Variants in LZTS1 observed in about 807,000 individuals in gnomAD.
LZTS1 encodes the protein leucine zipper tumor suppressor 1.
Under a neutral mutation model 45.8 loss-of-function variants are expected in LZTS1, and 31 were observed. The ratio of observed to expected loss-of-function variants is 0.68; its 90% CI spans 0.51 to 0.91. The LOEUF is 0.91. Among genes scored for constraint, LZTS1 ranks in the 40% least tolerant of loss-of-function variants. LZTS1 has a pLI of 0.00. For missense variants in LZTS1, 821 were observed against 788.9 expected (o/e 1.04, Z -0.49); for synonymous variants, 359 against 357.3 (o/e 1.00, Z -0.05).
At position 20,246,561 on chromosome 8, in the gene LZTS1, C is replaced by G. The variant is rs1003791886; in HGVS notation, c.*3161G>C. On this transcript the variant is annotated 3_prime_UTR_variant, in exon 4 of 4. Coordinates refer to ENST00000381569, the MANE Select transcript of LZTS1 (RefSeq NM_021020.5). ...GGCTTAGTTTCGGGCAACTGTCTCA[C>G]CTAAGAGATGGCCCAGGCTGGGGCC... is the stretch of plus-strand genomic sequence containing the variant. 1 of 152,512 alleles carries G rather than the reference C, an allele frequency of 6.6e-6. No individual in the cohort carries two copies. The highest frequency in any genetic ancestry group is 2.4e-5 in the African/African-American group (1 of 41,476). 9.4% of individuals were successfully genotyped at this position (152,512 alleles called of 1,614,324 possible). A position where few individuals can be genotyped will look rare whatever the true frequency, so the allele number is the denominator to read the frequency against.
chr8:20,259,782 G>T (rs943880978), intron 1 of LZTS1, among the ~76,000 whole-genome samples: 4 of 151,616 alleles, frequency 2.6e-5, no homozygotes, highest in Admixed American at 6.6e-5. Flanking sequence ...TGTCTGCAAG[G>T]TGGCTTTCTC....
chr8:20,273,292 T>A (rs1311538100), intron 1 of LZTS1, among the ~76,000 whole-genome samples: 1 of 152,184 alleles, frequency 6.6e-6, no homozygotes, highest in Non-Finnish European at 1.5e-5. Context: ...TAAATGTGGA[T>A]GCTTTTCAGG....
chr8:20,255,345 G>T (rs773358191), intron 1 of LZTS1, 30 bp from the exon 2 acceptor site: 2 of 1,402,210 alleles, frequency 1.4e-6, no homozygotes, highest in South Asian at 3.0e-5. Context: ...AGAAGTCAGC[G>T]TGGGTGGGAG....
At chr8:20,294,428 C>A (rs1355478911) in intron 1 of LZTS1, among the ~76,000 whole-genome samples, 1 of 152,206 alleles carries the variant, frequency 6.6e-6, no homozygotes, top group Non-Finnish European at 1.5e-5. Context: ...GGGGAGGAGC[C>A]GAAGGCAGCT....
intron 1 of LZTS1, among the ~76,000 whole-genome samples, chr8:20,293,856 G>A (rs116167598): frequency 0.028 from 4,251 of 152,216 alleles, 105 homozygotes; most frequent in South Asian, 0.086. Flanking sequence ...CCAGGAGTTC[G>A]AGGCTGCAGT....
chr8:20,253,097 C>T lies in LZTS1; in HGVS notation c.834G>A (p.Gln278=), dbSNP rs369267269. 32 of 1,610,702 alleles carry T rather than the reference C, an allele frequency of 2.0e-5. No homozygotes were observed. Among genetic ancestry groups the T allele is most frequent in the Non-Finnish European group, 2.7e-5 (32 of 1,178,878 alleles). Residue 278 remains glutamine (Q), a synonymous_variant, in exon 3 of 4, where the codon CAG becomes CAA. Transcript: ENST00000381569. ...QKLLEREGAL[Q]KLQRSFEEKE... ...TCTCCTCAAAGCTGCGCTGCAGCTT[C>T]TGGAGGGCGCCCTCCCTCTCCAACA...
At position 20,255,083 on chromosome 8, in the gene LZTS1, C is replaced by A. The variant is rs1477208440; in HGVS notation, c.99G>T (p.Lys33Asn). Reference protein sequence around the residue: ...YKLRKSSHLKKLNRYSDGLLR... With the variant: ...YKLRKSSHLKNLNRYSDGLLR... ...GCAGCCCGTCGGAATACCGGTTGAG[C>A]TTCTTGAGGTGGGAGGACTTGCGCA... Residue 33 changes from lysine (K) to asparagine (N), a missense_variant, in exon 2 of 4, where the codon AAG becomes AAT. Transcript: ENST00000381569. 6.2e-7 allele frequency: 1 copy of A among 1,614,208 alleles called. No homozygotes were observed. Among genetic ancestry groups the A allele is most frequent in the Non-Finnish European group, 8.5e-7 (1 of 1,180,046 alleles).
intron 1 of LZTS1, among the ~76,000 whole-genome samples, chr8:20,293,433 G>C (rs1222605417): frequency 6.6e-6 from 1 of 152,090 alleles, no homozygotes; most frequent in Non-Finnish European, 1.5e-5. Flanking sequence ...CCAGCCCTTG[G>C]GGCTCTTCTC....
intron 1 of LZTS1, among the ~76,000 whole-genome samples, chr8:20,266,719 G>C (rs951094160): frequency 1.3e-5 from 2 of 152,218 alleles, no homozygotes; most frequent in African/African-American, 4.8e-5. Context: ...CAAAAATGCA[G>C]CTTTCTTAGG....
chr8:20,269,748 C>T (rs747787161), intron 1 of LZTS1, among the ~76,000 whole-genome samples: 1 of 152,176 alleles, frequency 6.6e-6, no homozygotes, highest in Non-Finnish European at 1.5e-5. Flanking sequence ...TGGATGGGAA[C>T]TCTCTCAGCA....
In LZTS1 at chr8:20,254,856, A is replaced by G. The variant is rs1437851508; in HGVS notation, c.326T>C (p.Phe109Ser). Residue 109 changes from phenylalanine (F) to serine (S), a missense_variant, in exon 2 of 4, where the codon TTC becomes TCC. Transcript: ENST00000381569. ...DPSTPPKLMP[F>S]SNQLEMGSEK... is the part of the protein sequence containing the mutation. ...GCTTACCATTTCTAGCTGATTGGAGAAGGGCATGAGCTTGGGGGGTGTGGA... is the reference window on the plus strand; with the variant it reads ...GCTTACCATTTCTAGCTGATTGGAGGAGGGCATGAGCTTGGGGGGTGTGGA... 1 of 1,608,826 alleles carries G rather than the reference A, an allele frequency of 6.2e-7. No individual in the cohort carries two copies. Among genetic ancestry groups the G allele is most frequent in the Non-Finnish European group, 8.5e-7 (1 of 1,176,352 alleles).
At chr8:20,263,593 G>A (rs1800289891) in intron 1 of LZTS1, among the ~76,000 whole-genome samples, 1 of 152,292 alleles carries the variant, frequency 6.6e-6, no homozygotes, top group African/African-American at 2.4e-5. Flanking sequence ...TTCAGGAGCT[G>A]GAGAGACCAT....
intron 1 of LZTS1, among the ~76,000 whole-genome samples, chr8:20,265,368 A>G (rs528250174): frequency 2.0e-5 from 3 of 152,216 alleles, no homozygotes; most frequent in African/African-American, 7.2e-5. Context: ...GGCCTCTCAT[A>G]AAGAACTTGC....
intron 2 of LZTS1, 83 bp downstream of exon 2, chr8:20,254,754 C>A: frequency 5.8e-6 from 7 of 1,212,284 alleles, no homozygotes; most frequent in Non-Finnish European, 7.9e-6. Context: ...CACCACTCCC[C>A]CTGAACCCCC....
At chr8:20,260,260 A>G (rs1174627868) in intron 1 of LZTS1, among the ~76,000 whole-genome samples, 5 of 151,990 alleles carry the variant, frequency 3.3e-5, no homozygotes, top group African/African-American at 1.2e-4. Context: ...ACAGAGTCTC[A>G]CTCTGTCACC....
intron 1 of LZTS1, among the ~76,000 whole-genome samples, chr8:20,296,036 C>A (rs1373578634): frequency 6.6e-6 from 1 of 152,206 alleles, no homozygotes; most frequent in African/African-American, 2.4e-5. Context: ...TACACCCACT[C>A]TCTGAATGCT....
chr8:20,251,217 G>A (rs1185275129), intron 3 of LZTS1, among the ~76,000 whole-genome samples: 3 of 147,472 alleles, frequency 2.0e-5, no homozygotes, highest in East Asian at 2.0e-4. Context: ...TGCCACCATG[G>A]CTAATGTATT....
At chr8:20,270,757 A>T (rs559493481) in intron 1 of LZTS1, among the ~76,000 whole-genome samples, 3 of 151,344 alleles carry the variant, frequency 2.0e-5, no homozygotes, top group Non-Finnish European at 2.9e-5. Flanking sequence ...CCTCACCCCT[A>T]CTTCAGTAGG....
At chr8:20,263,927 GAATGGACAATTGTTAA>G (rs1346021073) in intron 1 of LZTS1, among the ~76,000 whole-genome samples, 3 of 152,084 alleles carry the variant, frequency 2.0e-5, no homozygotes, top group Non-Finnish European at 4.4e-5. Flanking sequence ...ACCCCGTGCA[GAATGGACAATTGTTAA>G]AATGTTGCCA....
Sources: gnomAD v4.1 joint callset for allele counts (sites outside exome capture counted in the v4.1 genomes callset) on GRCh38, gnomAD v4.1.1 for gene constraint, MANE v1.5 for transcripts, NCBI Gene and HGNC (gene_info 2026-07-23, HGNC 2026-07-21) for gene names.